Variants in SGCZ observed in about 807,000 individuals in gnomAD.
SGCZ encodes zeta-sarcoglycan.
In SGCZ, 40 loss-of-function variants were observed where a neutral mutation model predicts 41.3. That is an observed-to-expected ratio of 0.97 (90% CI 0.75 to 1.26). The LOEUF (loss-of-function observed/expected upper bound fraction) is 1.26, where lower values mean the gene tolerates loss of function less well. Ranked by LOEUF, SGCZ falls within the 50% of genes most tolerant of loss-of-function variation. The pLI, the probability that SGCZ is intolerant of heterozygous loss-of-function variation, is 0.00. For missense variants in SGCZ, 552 were observed against 369.8 expected (o/e 1.49, Z -4.04); for synonymous variants, 206 against 137.5 (o/e 1.50, Z -3.49).
chr8:14,823,670 G>A (rs1802190851), intron 1 of SGCZ, among the ~76,000 whole-genome samples: 1 of 152,116 alleles, frequency 6.6e-6, no homozygotes, highest in Non-Finnish European at 1.5e-5. Flanking sequence ...CAGTATAGGA[G>A]TTCTTCCAAA....
chr8:14,681,559 T>C (rs4831633), intron 1 of SGCZ, among the ~76,000 whole-genome samples: 65,156 of 151,878 alleles, frequency 0.43, 15,630 homozygotes, highest in Non-Finnish European at 0.56. Context: ...TCGAATGATA[T>C]AAAGAGAAGC....
At chr8:14,581,228 C>T (rs1261943120) in intron 1 of SGCZ, among the ~76,000 whole-genome samples, 4 of 152,082 alleles carry the variant, frequency 2.6e-5, no homozygotes, top group Non-Finnish European at 4.4e-5. Context: ...CCTGCCTCAG[C>T]CATGTGACTA....
intron 5 of SGCZ, among the ~76,000 whole-genome samples, chr8:14,129,301 G>A (rs546619824): frequency 1.5e-5 from 2 of 134,186 alleles, no homozygotes; most frequent in South Asian, 2.3e-4. Context: ...AGCCAAGATC[G>A]TGCCATTGCA....
chr8:15,152,447 C>T (rs547428457), intron 1 of SGCZ, among the ~76,000 whole-genome samples: 2 of 152,306 alleles, frequency 1.3e-5, no homozygotes, highest in East Asian at 3.9e-4. Context: ...GGTGTTAGAA[C>T]AGCCAATGCT....
At chr8:15,097,857 C>CAT in intron 1 of SGCZ, among the ~76,000 whole-genome samples, 1 of 39,444 alleles carries the variant, frequency 2.5e-5, no homozygotes, top group Non-Finnish European at 4.4e-5. Flanking sequence ...TATATATATA[C>CAT]GTGTGTGTGT....
At chr8:14,308,898 G>C in intron 3 of SGCZ, 2 of 446,878 alleles carry the variant, frequency 4.5e-6, no homozygotes, top group Non-Finnish European at 8.0e-6. Context: ...TATTCGCAAA[G>C]AAATACATTT....
chr8:14,302,277 T>C (rs1801218057), intron 3 of SGCZ, among the ~76,000 whole-genome samples: 1 of 152,160 alleles, frequency 6.6e-6, no homozygotes, highest in African/African-American at 2.4e-5. Context: ...CACTGGATAT[T>C]TGAAATTTTC....
intron 1 of SGCZ, among the ~76,000 whole-genome samples, chr8:14,669,508 C>T (rs1808032314): frequency 6.6e-6 from 1 of 152,004 alleles, no homozygotes; most frequent in African/African-American, 2.4e-5. Flanking sequence ...AGGTAACCAC[C>T]CTTCTACTCT....
At chr8:14,444,556 G>A (rs181637514) in intron 2 of SGCZ, among the ~76,000 whole-genome samples, 1,622 of 150,662 alleles carry the variant, frequency 0.011, 28 homozygotes, top group African/African-American at 0.037. Flanking sequence ...GTAAACTATC[G>A]TAAGAACAAA....
chr8:15,094,621 G>C (rs749322970), intron 1 of SGCZ, among the ~76,000 whole-genome samples: 6 of 152,190 alleles, frequency 3.9e-5, no homozygotes, highest in Non-Finnish European at 8.8e-5. Flanking sequence ...CTGGAGCCCA[G>C]TAAGCTAGGA....
At chr8:14,474,820 T>C (rs925667002) in intron 2 of SGCZ, among the ~76,000 whole-genome samples, 4 of 152,164 alleles carry the variant, frequency 2.6e-5, no homozygotes, top group African/African-American at 4.8e-5. Flanking sequence ...CAAAGAGATA[T>C]TGGATTTTTT....
intron 1 of SGCZ, among the ~76,000 whole-genome samples, chr8:15,035,043 G>C (rs1263766767): frequency 2.6e-5 from 4 of 152,052 alleles, no homozygotes; most frequent in South Asian, 2.1e-4. Context: ...CAAGTACATA[G>C]TCAAATTCAG....
At chr8:14,685,368 T>G (rs1461831077) in intron 1 of SGCZ, among the ~76,000 whole-genome samples, 2 of 152,120 alleles carry the variant, frequency 1.3e-5, no homozygotes, top group Non-Finnish European at 2.9e-5. Context: ...AAGTCTAGCT[T>G]GAGCTATTAA....
intron 1 of SGCZ, among the ~76,000 whole-genome samples, chr8:15,016,462 C>G (rs1803037510): frequency 6.6e-6 from 1 of 152,086 alleles, no homozygotes; most frequent in Non-Finnish European, 1.5e-5. Context: ...TTGGCAGGAT[C>G]CCAATAGATG....
At chr8:15,127,647 A>AT (rs1807755444) in intron 1 of SGCZ, among the ~76,000 whole-genome samples, 2 of 152,182 alleles carry the variant, frequency 1.3e-5, no homozygotes, top group South Asian at 4.1e-4. Flanking sequence ...CTTCTTGGAT[A>AT]TTTTTTCAAT....
chr8:14,248,595 A>C (rs1483225682), intron 3 of SGCZ, among the ~76,000 whole-genome samples: 1 of 152,150 alleles, frequency 6.6e-6, no homozygotes, highest in African/African-American at 2.4e-5. Flanking sequence ...ATAAGAAATT[A>C]ATCTTTATCA....
chr8:14,272,124 C>G (rs1471696607), intron 3 of SGCZ, among the ~76,000 whole-genome samples: 1 of 152,150 alleles, frequency 6.6e-6, no homozygotes, highest in East Asian at 1.9e-4. Flanking sequence ...CTGCCTCAGC[C>G]TCCTGAGTAG....
intron 2 of SGCZ, among the ~76,000 whole-genome samples, chr8:14,469,275 T>C (rs926691984): frequency 4.6e-5 from 7 of 152,158 alleles, no homozygotes; most frequent in Non-Finnish European, 7.4e-5. Context: ...GATAATTCTT[T>C]GTTGTGAAGG....
chr8:14,955,887 G>C (rs183990502), intron 1 of SGCZ, among the ~76,000 whole-genome samples: 183 of 152,122 alleles, frequency 1.2e-3, no homozygotes, highest in African/African-American at 4.3e-3. Context: ...GAATAAACAA[G>C]AGTTGTTCAT....
Sources: gnomAD v4.1 joint callset for allele counts (sites outside exome capture counted in the v4.1 genomes callset) on GRCh38, gnomAD v4.1.1 for gene constraint, MANE v1.5 for transcripts, NCBI Gene and HGNC (gene_info 2026-07-23, HGNC 2026-07-21) for gene names.